SLC45A4: variants seen among roughly 807,000 people sequenced by gnomAD.
SLC45A4 encodes the protein solute carrier family 45 member 4.
In SLC45A4, 32 loss-of-function variants were observed where a neutral mutation model predicts 63.7. That is an observed-to-expected ratio of 0.50 (90% CI 0.38 to 0.67). The LOEUF is 0.67. SLC45A4 is among the 30% of genes least tolerant of loss of function. The pLI, the probability that SLC45A4 is intolerant of heterozygous loss-of-function variation, is 0.00. For synonymous variants in SLC45A4, 535 were observed against 510.0 expected (o/e 1.05, Z -0.66); for missense variants, 1,027 against 1,157.7 (o/e 0.89, Z 1.64).
intron 1 of SLC45A4, among the ~76,000 whole-genome samples, chr8:141,271,094 T>C (rs985085767): frequency 1.3e-5 from 2 of 152,260 alleles, no homozygotes; most frequent in African/African-American, 2.4e-5. Context: ...TCATAGTTAC[T>C]GATGAGCCAG....
At chr8:141,214,179 G>A (rs1446537766) in intron 7 of SLC45A4, among the ~76,000 whole-genome samples, 1 of 145,124 alleles carries the variant, frequency 6.9e-6, no homozygotes, top group Non-Finnish European at 1.5e-5. Context: ...GCGACAGATC[G>A]AGACTCTGTC....
intron 1 of SLC45A4, among the ~76,000 whole-genome samples, chr8:141,297,217 T>A (rs1440076939): frequency 6.6e-6 from 1 of 151,908 alleles, no homozygotes; most frequent in Non-Finnish European, 1.5e-5. Flanking sequence ...TGCCTTCCCC[T>A]CTGAGTTATT....
intron 1 of SLC45A4, among the ~76,000 whole-genome samples, chr8:141,276,416 G>C (rs1829729844): frequency 6.6e-6 from 1 of 152,186 alleles, no homozygotes; most frequent in African/African-American, 2.4e-5. Flanking sequence ...AGTCTGAAAA[G>C]CTGACTGCAC....
At chr8:141,275,171 C>T (rs189759563) in intron 1 of SLC45A4, among the ~76,000 whole-genome samples, 104 of 152,260 alleles carry the variant, frequency 6.8e-4, no homozygotes, top group Non-Finnish European at 1.2e-3. Context: ...TTTTCTGTGA[C>T]GAGGAAAGTC....
intron 2 of SLC45A4, among the ~76,000 whole-genome samples, chr8:141,248,709 T>A (rs563835987): frequency 1.3e-5 from 2 of 151,342 alleles, no homozygotes; most frequent in South Asian, 4.2e-4. Flanking sequence ...CAATAAAGTG[T>A]AAGAATATAT....
chr8:141,220,538 C>G (rs907237271), intron 3 of SLC45A4, among the ~76,000 whole-genome samples: 6 of 152,200 alleles, frequency 3.9e-5, no homozygotes, highest in African/African-American at 1.4e-4. Context: ...TGAGGCTCAC[C>G]TTGGGTCTCC....
Position 141,221,622 on chromosome 8 carries a change from C to A in SLC45A4, c.385G>T (p.Gly129Cys). 1 of 1,613,946 alleles carries A rather than the reference C, an allele frequency of 6.2e-7. No individual in the cohort carries two copies. Among genetic ancestry groups the A allele is most frequent in the Non-Finnish European group, 8.5e-7 (1 of 1,180,026 alleles). ...AAAAGTGCAACGCCAAAGAGGACGC[C>A]AACGCAGAGGGCGAGGATGAAGGGC... is the stretch of plus-strand genomic sequence containing the variant. ...RRPFILALCV[G>C]VLFGVALFLN... Residue 129 changes from glycine (G) to cysteine (C), a missense_variant, in exon 3 of 9, where the codon GGC becomes TGC. By Grantham distance (159) the Gly-to-Cys change is radical (BLOSUM62 -3). Transcript: ENST00000517878.
chr8:141,283,711 G>A lies in SLC45A4; in HGVS notation c.-401+24385C>T, dbSNP rs1563672728. Among the ~76,000 whole-genome samples the A allele has an allele frequency of 3.3e-5, 5 of 152,272 alleles. No homozygotes were observed. In the East Asian group the frequency reaches 9.6e-4, roughly 29 times the overall value. ...GAGCAGAAGAAAAGTGGCAGTGTGG[G>A]TACAGCCCAGCCACACTTCCACGTG... On this transcript the variant is annotated intron_variant, in intron 1 of 8. Coordinates refer to ENST00000517878, the MANE Select transcript of SLC45A4 (RefSeq NM_001286646.2).
chr8:141,282,851 A>G (rs4961353), intron 1 of SLC45A4, among the ~76,000 whole-genome samples: 146,141 of 152,344 alleles, frequency 0.96, 70,409 homozygotes, highest in Middle Eastern at 1. Context: ...GTGACTTCTC[A>G]TCTGGGTGCC....
Position 141,223,699 on chromosome 8 carries a change from A to G in SLC45A4, c.242-1934T>C, listed in dbSNP as rs375546317. ...CAAACTCCTTGGGGGCCATCCACCC[A>G]GGAGGCCCCCGCCAACCCTGCGCAC... is the stretch of plus-strand genomic sequence containing the variant. On this transcript the variant is annotated intron_variant, in intron 2 of 8. Coordinates refer to ENST00000517878, the MANE Select transcript of SLC45A4 (RefSeq NM_001286646.2). Among the ~76,000 whole-genome samples the G allele has an allele frequency of 4.1e-3, 623 of 152,310 alleles. 3 individuals are homozygous for G. The highest frequency in any genetic ancestry group is 0.014 in the African/African-American group (598 of 41,570).
intron 2 of SLC45A4, chr8:141,228,567 C>CT: frequency 1.6e-6 from 2 of 1,224,388 alleles, no homozygotes; most frequent in Non-Finnish European, 2.1e-6. Context: ...CTCCTCTCTG[C>CT]CCTATCAGCA....
Position 141,268,570 on chromosome 8 carries a change from T to C in SLC45A4, c.-400-13941A>G, listed in dbSNP as rs556345680. Among the ~76,000 whole-genome samples, 527 of 152,318 alleles carry C rather than the reference T, an allele frequency of 3.5e-3. 3 individuals are homozygous for C. Among genetic ancestry groups the C allele is most frequent in the African/African-American group, 0.012 (513 of 41,570 alleles). ...GCAGGGGCACACGGGAAATCTGTTA[T>C]CTTCCTCTCAATTTTGTTGTGAACC... On this transcript the variant is annotated intron_variant, in intron 1 of 8. Coordinates refer to ENST00000517878, the MANE Select transcript of SLC45A4 (RefSeq NM_001286646.2).
chr8:141,263,753 G>A (rs1199973897), intron 1 of SLC45A4, among the ~76,000 whole-genome samples: 2 of 136,714 alleles, frequency 1.5e-5, no homozygotes, highest in Non-Finnish European at 3.0e-5. Context: ...CTGGGCGACA[G>A]AGCAAGACTC....
intron 2 of SLC45A4, among the ~76,000 whole-genome samples, chr8:141,243,745 C>G (rs1290216918): frequency 1.3e-5 from 2 of 152,050 alleles, no homozygotes; most frequent in African/African-American, 4.8e-5. Context: ...ACAGCAAGAC[C>G]CCCGCTCCTG....
chr8:141,288,894 G>C (rs1217037247), intron 1 of SLC45A4, among the ~76,000 whole-genome samples: 1 of 152,278 alleles, frequency 6.6e-6, no homozygotes, highest in Non-Finnish European at 1.5e-5. Flanking sequence ...AGATGGCCAG[G>C]CAGCTGGCAC....
intron 3 of SLC45A4, among the ~76,000 whole-genome samples, chr8:141,220,092 A>G (rs1394886634): frequency 6.6e-6 from 1 of 152,174 alleles, no homozygotes; most frequent in African/African-American, 2.4e-5. Context: ...CGCGCCCTTG[A>G]TGTTTTTCAA....
At position 141,259,090 on chromosome 8, in the gene SLC45A4, A is replaced by T. The variant is rs139009115; in HGVS notation, c.-400-4461T>A. ...GCTGCCTCACTGGAGTTCCTCTGAC[A>T]TGTTGGGGCTTTCCTAGCAAACTTC... On this transcript the variant is annotated intron_variant, in intron 1 of 8. Transcript: ENST00000517878. 3.2e-3 allele frequency among the ~76,000 whole-genome samples: 485 copies of T among 152,254 alleles called. 1 individual carries two copies. The highest frequency in any genetic ancestry group is 0.011 in the African/African-American group (459 of 41,544).
intron 1 of SLC45A4, among the ~76,000 whole-genome samples, chr8:141,294,119 CCCAGGATCTCTGTAGA>C (rs1003713956): frequency 4.6e-5 from 7 of 151,898 alleles, no homozygotes; most frequent in African/African-American, 1.7e-4. Flanking sequence ...GAGTCCGTGG[CCCAGGATCTCTGTAGA>C]CCAGGGTCTC....
At chr8:141,302,353 T>TCAC (rs112498055) in intron 1 of SLC45A4, among the ~76,000 whole-genome samples, 4,852 of 151,306 alleles carry the variant, frequency 0.032, 298 homozygotes, top group African/African-American at 0.11. Context: ...TCCACGCCAC[T>TCAC]CACCATCACC....
Sources: allele counts gnomAD v4.1 joint callset (sites outside exome capture counted in the v4.1 genomes callset), GRCh38; gene constraint gnomAD v4.1.1; transcripts MANE v1.5; gene names NCBI Gene and HGNC (gene_info 2026-07-23, HGNC 2026-07-21).